The following FSTL5 variants were observed in gnomAD, a reference collection of about 807,000 sequenced individuals.
The protein encoded by FSTL5 is follistatin-related protein 5.
FSTL5 carries 62 observed loss-of-function variants against 89.1 expected under a neutral mutation model. The ratio of observed to expected loss-of-function variants is 0.70; its 90% confidence interval spans 0.57 to 0.86. The LOEUF is 0.86. FSTL5 is among the 40% of genes least tolerant of loss of function. The pLI, the probability that FSTL5 is intolerant of heterozygous loss-of-function variation, is 0.00. For missense variants in FSTL5, 1,057 were observed against 1,001.6 expected, an observed-to-expected ratio of 1.06 and a Z score of -0.75; for synonymous variants, 383 against 346.2, an observed-to-expected ratio of 1.11 and a Z score of -1.18.
At chr4:162,107,830 A>T (rs1296307920) in intron 2 of FSTL5, among the ~76,000 whole-genome samples, 4 of 151,958 alleles carry the variant, frequency 2.6e-5, no homozygotes, top group Non-Finnish European at 5.9e-5. Flanking sequence ...GCCTTTAAGG[A>T]CCTCATTAGT....
At position 161,573,495 on chromosome 4, in the gene FSTL5, T is replaced by C. The variant is rs557648915; in HGVS notation, c.1015+13960A>G. Among the ~76,000 whole-genome samples, 6 of 149,300 alleles carry C rather than the reference T, an allele frequency of 4.0e-5. No homozygotes were observed. The East Asian group carries it at 5.9e-4, about 15-fold the overall frequency. ...GGCTCACGCCTGTAATCCCAGCACT[T>C]TGGGAGGCCGAGGGTGGATCACCTG... On this transcript the variant is annotated intron_variant, in intron 8 of 15. Coordinates refer to ENST00000306100, the MANE Select transcript of FSTL5 (RefSeq NM_020116.5).
At chr4:161,674,740 C>A (rs1274980952) in intron 6 of FSTL5, among the ~76,000 whole-genome samples, 1 of 152,040 alleles carries the variant, frequency 6.6e-6, no homozygotes, top group African/African-American at 2.4e-5. Context: ...AACATTTTAT[C>A]AGGAAAAATG....
intron 11 of FSTL5, among the ~76,000 whole-genome samples, chr4:161,506,651 G>A (rs981453226): frequency 1.3e-5 from 2 of 151,974 alleles, no homozygotes; most frequent in Non-Finnish European, 2.9e-5. Flanking sequence ...GAACCTCCCT[G>A]GCAGTGTACA....
At chr4:161,638,401 C>T (rs1384142173) in intron 7 of FSTL5, among the ~76,000 whole-genome samples, 1 of 152,104 alleles carries the variant, frequency 6.6e-6, no homozygotes, top group African/African-American at 2.4e-5. Context: ...ACAACCATGT[C>T]GTCTGCAAAC....
intron 15 of FSTL5, among the ~76,000 whole-genome samples, chr4:161,439,849 G>A (rs1249030249): frequency 1.3e-5 from 2 of 152,110 alleles, no homozygotes; most frequent in Non-Finnish European, 2.9e-5. Flanking sequence ...TCAAGTTACA[G>A]AGGTACATTT....
intron 7 of FSTL5, among the ~76,000 whole-genome samples, chr4:161,621,299 CACACACAA>C (rs1245475835): frequency 1.3e-5 from 2 of 150,020 alleles, no homozygotes; most frequent in Non-Finnish European, 3.0e-5. Flanking sequence ...CACACACACA[CACACACAA>C]ACACAAAATT....
intron 7 of FSTL5, among the ~76,000 whole-genome samples, chr4:161,609,934 A>G (rs1177045602): frequency 6.6e-6 from 1 of 152,154 alleles, no homozygotes; most frequent in African/African-American, 2.4e-5. Flanking sequence ...CTCACCAGAC[A>G]TGCAAAAACA....
intron 10 of FSTL5, among the ~76,000 whole-genome samples, chr4:161,519,504 C>T (rs1352129207): frequency 3.3e-5 from 5 of 151,834 alleles, no homozygotes; most frequent in Admixed American, 6.6e-5. Flanking sequence ...CCAGCCTGGG[C>T]GACAGAGCAA....
At chr4:161,976,566 C>A (rs867284682) in intron 3 of FSTL5, among the ~76,000 whole-genome samples, 25 of 152,264 alleles carry the variant, frequency 1.6e-4, no homozygotes, top group African/African-American at 5.8e-4. Flanking sequence ...ACTGCAAGCT[C>A]CGCCTTCCGT....
At chr4:161,497,472 C>T (rs1312212024) in intron 12 of FSTL5, among the ~76,000 whole-genome samples, 1 of 152,004 alleles carries the variant, frequency 6.6e-6, no homozygotes, top group African/African-American at 2.4e-5. Context: ...TTAATTTCAA[C>T]ATCCAATGCA....
At chr4:161,872,128 G>GTTTTTTTGTTTTTTTTTT (rs1732282226) in intron 4 of FSTL5, among the ~76,000 whole-genome samples, 2 of 64,146 alleles carry the variant, frequency 3.1e-5, no homozygotes, top group Non-Finnish European at 6.9e-5. Context: ...TTTGTAGTTT[G>GTTTTTTTGTTTTTTTTTT]TTTTTTTTTT....
chr4:162,031,736 G>A (rs111912661), intron 3 of FSTL5, among the ~76,000 whole-genome samples: 14,693 of 152,148 alleles, frequency 0.097, 835 homozygotes, highest in Non-Finnish European at 0.13. Context: ...AAGAGATCGA[G>A]ACCGTCCTGG....
intron 3 of FSTL5, among the ~76,000 whole-genome samples, chr4:161,990,551 C>T (rs778192087): frequency 1.5e-4 from 23 of 151,872 alleles, no homozygotes; most frequent in Admixed American, 1.3e-4. Context: ...ATAAACTCAA[C>T]GTTAACTTAT....
chr4:161,734,150 T>C (rs1739711921), intron 6 of FSTL5, among the ~76,000 whole-genome samples: 1 of 152,168 alleles, frequency 6.6e-6, no homozygotes, highest in Non-Finnish European at 1.5e-5. Context: ...GAAATAATTT[T>C]TATTTTAAAC....
At chr4:161,491,273 T>C (rs1325420979) in intron 12 of FSTL5, among the ~76,000 whole-genome samples, 1 of 152,112 alleles carries the variant, frequency 6.6e-6, no homozygotes, top group African/African-American at 2.4e-5. Context: ...CAGTATGCTA[T>C]TATTTAATTC....
chr4:161,878,880 A>G (rs1277596974), intron 4 of FSTL5, among the ~76,000 whole-genome samples: 1 of 152,202 alleles, frequency 6.6e-6, no homozygotes, highest in Non-Finnish European at 1.5e-5. Flanking sequence ...ATTGTTTAAT[A>G]TGAATGTTAT....
chr4:161,769,427 A>G (rs1161475456), intron 5 of FSTL5, among the ~76,000 whole-genome samples: 1 of 152,020 alleles, frequency 6.6e-6, no homozygotes, highest in Non-Finnish European at 1.5e-5. Context: ...CATTGACGCA[A>G]AAGTCCTCAG....
At chr4:162,007,871 A>T (rs1736655508) in intron 3 of FSTL5, among the ~76,000 whole-genome samples, 1 of 151,828 alleles carries the variant, frequency 6.6e-6, no homozygotes, top group Admixed American at 6.6e-5. Flanking sequence ...TACATTATTC[A>T]TATATATACA....
intron 2 of FSTL5, among the ~76,000 whole-genome samples, chr4:162,064,704 T>C (rs1488132974): frequency 6.6e-6 from 1 of 151,942 alleles, no homozygotes. Context: ...GCCAATTTCA[T>C]ATATATACAA....
Sources: gnomAD v4.1 joint callset for allele counts (sites outside exome capture counted in the v4.1 genomes callset) on GRCh38, gnomAD v4.1.1 for gene constraint, MANE v1.5 for transcripts, NCBI Gene and HGNC (gene_info 2026-07-23, HGNC 2026-07-21) for gene names.